Variants in CDH4 observed in about 807,000 individuals in gnomAD.
CDH4 encodes cadherin-4.
A neutral mutation model predicts 86.0 loss-of-function variants in CDH4; 33 were observed. The observed-to-expected ratio is 0.38, with a 90% CI of 0.29 to 0.51. The LOEUF (loss-of-function observed/expected upper bound fraction) is 0.51. CDH4 is among the 20% of genes least tolerant of loss of function. The pLI is 0.86. For missense variants in CDH4, 1,114 were observed against 1,307.4 expected (o/e 0.85, Z 2.28); for synonymous variants, 555 against 549.4 (o/e 1.01, Z -0.14).
intron 4 of CDH4, among the ~76,000 whole-genome samples, chr20:61,835,835 G>T (rs933514514): frequency 6.6e-6 from 1 of 152,164 alleles, no homozygotes; most frequent in East Asian, 1.9e-4. Context: ...CAGTCAGGTC[G>T]CCCTCTGGTC....
intron 2 of CDH4, among the ~76,000 whole-genome samples, chr20:61,506,059 T>C (rs2085739216): frequency 6.6e-6 from 1 of 152,188 alleles, no homozygotes. Context: ...CCATAAGAAT[T>C]CTGAATGTGG....
chr20:61,609,026 A>T (rs149058564), intron 2 of CDH4, among the ~76,000 whole-genome samples: 29 of 152,296 alleles, frequency 1.9e-4, no homozygotes, highest in African/African-American at 7.0e-4. Context: ...CTCAGTGCCC[A>T]GCTCCTCCAT....
chr20:61,602,972 C>T (rs997273781), intron 2 of CDH4, among the ~76,000 whole-genome samples: 9 of 152,360 alleles, frequency 5.9e-5, no homozygotes, highest in African/African-American at 2.2e-4. Context: ...TCACCAGCTC[C>T]TGCGTGATCT....
chr20:61,663,323 G>T lies in CDH4; in HGVS notation c.170-80240G>T, dbSNP rs1462629626. Among the ~76,000 whole-genome samples the T allele has an allele frequency of 1.3e-5, 2 of 152,254 alleles. No homozygotes were observed. Among genetic ancestry groups the T allele is most frequent in the African/African-American group, 4.8e-5 (2 of 41,470 alleles). On this transcript the variant is annotated intron_variant, in intron 2 of 15. Coordinates refer to ENST00000614565, the MANE Select transcript of CDH4 (RefSeq NM_001794.5). The surrounding 1 kb of genome is among the most constrained non-coding windows in gnomAD (Gnocchi z 5.0). ...GCACCCGCAGGAGGCCTGTGCTGCG[G>T]AGCTCCTGGGAGGGTGACGCTGGGG... is the stretch of plus-strand genomic sequence containing the variant.
At chr20:61,443,192 A>T (rs1180615300) in intron 2 of CDH4, among the ~76,000 whole-genome samples, 2 of 152,216 alleles carry the variant, frequency 1.3e-5, no homozygotes, top group Non-Finnish European at 2.9e-5. Flanking sequence ...GCATATTTAA[A>T]TACCACTCCC....
At chr20:61,686,949 A>G (rs1377093242) in intron 2 of CDH4, among the ~76,000 whole-genome samples, 1 of 121,984 alleles carries the variant, frequency 8.2e-6, no homozygotes, top group Non-Finnish European at 1.7e-5. Flanking sequence ...CCGCCCCCCG[A>G]CCCAGCAACT....
intron 2 of CDH4, among the ~76,000 whole-genome samples, chr20:61,422,597 G>A (rs536612300): frequency 1.3e-5 from 2 of 152,146 alleles, no homozygotes; most frequent in East Asian, 1.9e-4. Flanking sequence ...TCTTCTCTCC[G>A]TGGTGTACAT....
chr20:61,760,643 A>G (rs1490202200), intron 3 of CDH4, among the ~76,000 whole-genome samples: 1 of 152,268 alleles, frequency 6.6e-6, no homozygotes, highest in Admixed American at 6.5e-5. Flanking sequence ...GCAGCAAGCC[A>G]TGAGCCTCCC....
intron 6 of CDH4, among the ~76,000 whole-genome samples, chr20:61,864,385 G>A (rs563645523): frequency 1.1e-4 from 16 of 152,320 alleles, no homozygotes; most frequent in East Asian, 5.8e-4. Context: ...CCCTGGTTTC[G>A]CCCACTTCCC....
At chr20:61,258,662 G>A (rs1458113699) in intron 2 of CDH4, among the ~76,000 whole-genome samples, 1 of 152,222 alleles carries the variant, frequency 6.6e-6, no homozygotes, top group Non-Finnish European at 1.5e-5. Flanking sequence ...ATAACCGTGA[G>A]TGCAGACATA....
In CDH4 at chr20:61,417,283, C is replaced by T. The variant is rs970959472; in HGVS notation, c.169+162346C>T. On this transcript the variant is annotated intron_variant, in intron 2 of 15. Transcript: ENST00000614565. This position sits in a 1 kb window ranked among gnomAD's most constrained non-coding sequence, Gnocchi z 4.0. The stretch of plus-strand genomic sequence containing the variant: ...TTTTCTCCCACTCTCCCCCTCCTCC[C>T]TCTCTGTCTTTCTCCATCTCCCTCT... 1.3e-5 allele frequency among the ~76,000 whole-genome samples: 2 copies of T among 151,970 alleles called. No individual in the cohort carries two copies. The highest frequency in any genetic ancestry group is 4.8e-5 in the African/African-American group (2 of 41,358).
chr20:61,651,162 G>A (rs1401906461), intron 2 of CDH4, among the ~76,000 whole-genome samples: 3 of 152,016 alleles, frequency 2.0e-5, no homozygotes, highest in Admixed American at 6.6e-5. Flanking sequence ...AGTTAGCCTC[G>A]TGCTTGGTCA....
intron 7 of CDH4, among the ~76,000 whole-genome samples, chr20:61,882,804 G>A (rs1984342675): frequency 6.6e-6 from 1 of 152,154 alleles, no homozygotes; most frequent in African/African-American, 2.4e-5. Flanking sequence ...GGCACCCCAG[G>A]TGGCATGGGC....
intron 4 of CDH4, among the ~76,000 whole-genome samples, chr20:61,831,923 A>G (rs1981636370): frequency 6.6e-6 from 1 of 152,252 alleles, no homozygotes; most frequent in South Asian, 2.1e-4. Context: ...CCCGACAGGT[A>G]GGACTGGCTG....
intron 2 of CDH4, among the ~76,000 whole-genome samples, chr20:61,295,929 G>A (rs1468937435): frequency 6.6e-6 from 1 of 152,244 alleles, no homozygotes; most frequent in Non-Finnish European, 1.5e-5. Context: ...GACAGCTGTA[G>A]AGTGAGAAAG....
Position 61,934,152 on chromosome 20 carries a change from G to A in CDH4, c.2476G>A (p.Ala826Thr), listed in dbSNP as rs772656062. The A allele has an allele frequency of 1.2e-5, 20 of 1,609,006 alleles. 1 individual carries two copies. The Admixed American group carries it at 1.7e-4, about 13-fold the overall frequency. ...TCGCGTGGATGAGCGGCCGGTGGGC[G>A]CTGAGCCCCAGTACCCGATCAGGCC... The part of the protein sequence containing the change: ...VRRVDERPVG[A>T]EPQYPIRPMV... The change falls in exon 15 of 16, where the codon GCT becomes ACT. Residue 826 changes from alanine to threonine, a missense_variant. Physicochemically the swap from Ala to Thr is moderately conservative, Grantham distance 58. Coordinates refer to ENST00000614565, the MANE Select transcript of CDH4 (RefSeq NM_001794.5).
rs2055245297 is a variant in CDH4, at chr20:61,940,102, G to GAATC, written c.*3162_*3165dup. ...AGTGCTCAAAGGAATAACACCAAAA[G>GAATC]AATCAACACAGAATCTCCCAGACAC... is the stretch of plus-strand genomic sequence containing the variant. On this transcript the variant is annotated 3_prime_UTR_variant, in exon 16 of 16. Coordinates refer to ENST00000614565, the MANE Select transcript of CDH4 (RefSeq NM_001794.5). 2.0e-5 allele frequency: 3 copies of GAATC among 152,202 alleles called. No homozygotes were observed. The highest frequency in any genetic ancestry group is 4.1e-4 in the South Asian group (2 of 4,830). 9.4% of individuals were successfully genotyped at this position (152,202 alleles called of 1,614,324 possible).
In CDH4 at chr20:61,663,975, A is replaced by C. The variant is rs2087293099; in HGVS notation, c.170-79588A>C. ...GTCCACGTTGAGGTGTCTGTGTGCC[A>C]CCGGGACCCTTCCGTAGACATGCAC... On this transcript the variant is annotated intron_variant, in intron 2 of 15. Coordinates refer to ENST00000614565, the MANE Select transcript of CDH4 (RefSeq NM_001794.5). The surrounding 1 kb of genome is among the most constrained non-coding windows in gnomAD (Gnocchi z 5.0). 6.6e-6 allele frequency among the ~76,000 whole-genome samples: 1 copy of C among 152,184 alleles called. No individual in the cohort carries two copies. Among genetic ancestry groups the C allele is most frequent in the South Asian group, 2.1e-4 (1 of 4,822 alleles).
chr20:61,724,262 C>G (rs1417079171), intron 2 of CDH4, among the ~76,000 whole-genome samples: 1 of 152,168 alleles, frequency 6.6e-6, no homozygotes, highest in African/African-American at 2.4e-5. Context: ...GCCCCTGCTT[C>G]AAGGCAGCAT....
Sources: allele counts gnomAD v4.1 joint callset (sites outside exome capture counted in the v4.1 genomes callset), GRCh38; gene constraint gnomAD v4.1.1; non-coding constraint Gnocchi (gnomAD v3.1); transcripts MANE v1.5; gene names NCBI Gene and HGNC (gene_info 2026-07-23, HGNC 2026-07-21).